The following CDH13 variants were observed in gnomAD, a reference collection of about 807,000 sequenced individuals.
The protein encoded by CDH13 is cadherin-13.
CDH13 carries 24 observed loss-of-function variants against 63.8 expected under a neutral mutation model. That is an observed-to-expected ratio of 0.38 (90% CI 0.27 to 0.53). The LOEUF (loss-of-function observed/expected upper bound fraction) is 0.53. Ranked by LOEUF, CDH13 falls within the 20% of genes least tolerant of loss-of-function variation. The pLI is 0.85. For synonymous variants in CDH13, 503 were observed against 355.3 expected, an observed-to-expected ratio of 1.42 and a Z score of -4.67; for missense variants, 1,049 against 903.1, an observed-to-expected ratio of 1.16 and a Z score of -2.07.
intron 6 of CDH13, among the ~76,000 whole-genome samples, chr16:83,369,335 C>A (rs573440719): frequency 6.6e-6 from 1 of 152,160 alleles, no homozygotes; most frequent in South Asian, 2.1e-4. Context: ...CACACCATCT[C>A]TCATCATTCT....
intron 5 of CDH13, among the ~76,000 whole-genome samples, chr16:83,254,161 G>C (rs1003993844): frequency 6.6e-6 from 1 of 152,202 alleles, no homozygotes; most frequent in African/African-American, 2.4e-5. Flanking sequence ...TTAAATCCAG[G>C]CATCAGGTGG....
intron 1 of CDH13, among the ~76,000 whole-genome samples, chr16:82,670,315 G>C (rs906420740): frequency 1.3e-5 from 2 of 152,224 alleles, no homozygotes; most frequent in Non-Finnish European, 2.9e-5. Context: ...AACAATGGCT[G>C]CTCTTAAGAG....
chr16:83,273,552 G>A (rs991967352), intron 5 of CDH13, among the ~76,000 whole-genome samples: 8 of 152,258 alleles, frequency 5.3e-5, no homozygotes, highest in Middle Eastern at 3.4e-3. Context: ...AAAAAAGAAC[G>A]AGATCATGTC....
chr16:83,541,463 C>G (rs1291106158), intron 7 of CDH13, among the ~76,000 whole-genome samples: 1 of 152,162 alleles, frequency 6.6e-6, no homozygotes, highest in Non-Finnish European at 1.5e-5. Flanking sequence ...GTTCACTAAA[C>G]TCTGTTTGTT....
intron 3 of CDH13, among the ~76,000 whole-genome samples, chr16:83,051,145 C>G (rs2030286189): frequency 6.6e-6 from 1 of 152,206 alleles, no homozygotes; most frequent in Admixed American, 6.5e-5. Flanking sequence ...ATATCATGCC[C>G]TCTTCAAAGG....
At chr16:83,595,704 C>T (rs1338315305) in intron 7 of CDH13, among the ~76,000 whole-genome samples, 2 of 152,176 alleles carry the variant, frequency 1.3e-5, no homozygotes, top group African/African-American at 4.8e-5. Flanking sequence ...TGCTCACGTT[C>T]CACTGACCGC....
intron 5 of CDH13, among the ~76,000 whole-genome samples, chr16:83,279,048 A>G (rs999958665): frequency 5.0e-4 from 76 of 151,880 alleles, no homozygotes; most frequent in Non-Finnish European, 2.1e-4. Flanking sequence ...CTCTTTTGGG[A>G]AGAATGAATC....
chr16:83,003,978 A>G (rs1029323882), intron 2 of CDH13, among the ~76,000 whole-genome samples: 1 of 152,232 alleles, frequency 6.6e-6, no homozygotes, highest in African/African-American at 2.4e-5. Context: ...GTATTAACAA[A>G]GGAAGAGGTA....
intron 1 of CDH13, among the ~76,000 whole-genome samples, chr16:82,777,918 C>T (rs2035573388): frequency 6.6e-6 from 1 of 152,100 alleles, no homozygotes; most frequent in Non-Finnish European, 1.5e-5. Flanking sequence ...CTTGATTCGT[C>T]AGAGAAAATA....
At chr16:82,868,718 T>C (rs1041361943) in intron 2 of CDH13, among the ~76,000 whole-genome samples, 6 of 152,218 alleles carry the variant, frequency 3.9e-5, no homozygotes, top group African/African-American at 1.4e-4. Context: ...TACGTCCTGT[T>C]TGGCTGCTTA....
chr16:82,964,016 G>C (rs80113522), intron 2 of CDH13, among the ~76,000 whole-genome samples: 2 of 152,116 alleles, frequency 1.3e-5, no homozygotes, highest in African/African-American at 4.8e-5. Flanking sequence ...GTGGAGCTGC[G>C]GGCTTTTGAG....
intron 2 of CDH13, among the ~76,000 whole-genome samples, chr16:82,976,312 G>C (rs1298874476): frequency 1.3e-5 from 2 of 152,034 alleles, no homozygotes; most frequent in Admixed American, 1.3e-4. Context: ...CCAGGTGGGG[G>C]CCGATTCTTC....
rs143297594 is a variant in CDH13, at chr16:82,802,081, G to A, written c.46-56281G>A. On this transcript the variant is annotated intron_variant, in intron 1 of 13. Coordinates refer to ENST00000567109, the MANE Select transcript of CDH13 (RefSeq NM_001257.5). ...CTGGCTCAGAGCTGTGCCCCACTGG[G>A]GCAGCTCACTGGGTTATTTATCTAT... 3.9e-3 allele frequency among the ~76,000 whole-genome samples: 583 copies of A among 149,358 alleles called. 4 individuals are homozygous for A. Among genetic ancestry groups the A allele is most frequent in the Admixed American group, 7.4e-3 (112 of 15,038 alleles).
At chr16:83,434,957 TA>T (rs913460078) in intron 6 of CDH13, among the ~76,000 whole-genome samples, 1 of 144,330 alleles carries the variant, frequency 6.9e-6, no homozygotes, top group African/African-American at 2.5e-5. Context: ...ATATAAAACA[TA>T]GGGGTTTTAT....
chr16:83,323,358 C>A (rs1413567297), intron 5 of CDH13, among the ~76,000 whole-genome samples: 3 of 151,108 alleles, frequency 2.0e-5, no homozygotes, highest in Non-Finnish European at 4.4e-5. Context: ...TCACTGCAAG[C>A]TCTGACCCGC....
chr16:82,719,156 G>C (rs547542322), intron 1 of CDH13, among the ~76,000 whole-genome samples: 1 of 152,266 alleles, frequency 6.6e-6, no homozygotes, highest in African/African-American at 2.4e-5. Flanking sequence ...TTCTGCTGGG[G>C]CTGTTTTAAG....
Position 82,866,692 on chromosome 16 carries a change from G to A in CDH13, c.157+8219G>A, listed in dbSNP as rs186832064. On this transcript the variant is annotated intron_variant, in intron 2 of 13. Transcript: ENST00000567109. The stretch of plus-strand genomic sequence containing the variant: ...AGATAAGAGGTTCAATTGACTCACA[G>A]TTCAGCATGCCTGGGGAGGCCTTAG... 1.8e-3 allele frequency among the ~76,000 whole-genome samples: 269 copies of A among 152,214 alleles called. 1 individual carries two copies. The highest frequency in any genetic ancestry group is 2.4e-3 in the Non-Finnish European group (161 of 67,996).
chr16:82,667,830 C>T (rs1187058562), intron 1 of CDH13, among the ~76,000 whole-genome samples: 1 of 152,140 alleles, frequency 6.6e-6, no homozygotes, highest in Non-Finnish European at 1.5e-5. Flanking sequence ...GTCAGGCATT[C>T]ATGGCTGTGC....
chr16:83,161,657 G>C (rs1024130200), intron 4 of CDH13, among the ~76,000 whole-genome samples: 1 of 152,012 alleles, frequency 6.6e-6, no homozygotes, highest in Non-Finnish European at 1.5e-5. Flanking sequence ...GACTGTGCAT[G>C]GATTTGCATA....
Sources: allele counts gnomAD v4.1 joint callset (sites outside exome capture counted in the v4.1 genomes callset), GRCh38; gene constraint gnomAD v4.1.1; transcripts MANE v1.5; gene names NCBI Gene and HGNC (gene_info 2026-07-23, HGNC 2026-07-21).